The following NWD2 variants were observed in gnomAD, a reference collection of about 807,000 sequenced individuals.
The protein encoded by NWD2 is NACHT and WD repeat domain-containing protein 2.
In NWD2, 37 loss-of-function variants were observed where a neutral mutation model predicts 132.7. That is an observed-to-expected ratio of 0.28 (90% CI 0.21 to 0.37). NWD2 has a LOEUF of 0.37. Among genes scored for constraint, NWD2 ranks in the 10% least tolerant of loss-of-function variants. The pLI is 1.00. For synonymous variants in NWD2, 705 were observed against 803.0 expected, an observed-to-expected ratio of 0.88 and a Z score of 2.06; for missense variants, 1,592 against 2,122.4, an observed-to-expected ratio of 0.75 and a Z score of 4.91.
Position 37,439,439 on chromosome 4 carries a change from G to T in NWD2, c.1296+49G>T. 1 of 1,209,202 alleles carries T rather than the reference G, an allele frequency of 8.3e-7. No individual in the cohort carries two copies. Among genetic ancestry groups the T allele is most frequent in the Non-Finnish European group, 1.1e-6 (1 of 897,312 alleles). The allele number at this position is 1,209,202 out of a possible 1,614,324, so 74.9% of individuals were successfully genotyped here. A position where few individuals can be genotyped will look rare whatever the true frequency, so the allele number is the denominator to read the frequency against. On this transcript the variant is annotated intron_variant, in intron 6 of 6. Transcript: ENST00000309447. The surrounding 1 kb of genome is among the most constrained non-coding windows in gnomAD (Gnocchi z 4.5). ...TATATTTGTAAAAACTTGTACTTTT[G>T]GAAAATGGTAAATTAATCAAATTCA...
intron 3 of NWD2, among the ~76,000 whole-genome samples, chr4:37,412,393 A>T (rs1721178540): frequency 6.6e-6 from 1 of 152,222 alleles, no homozygotes; most frequent in Admixed American, 6.5e-5. Flanking sequence ...TGCTACTAAG[A>T]TAATAAAATA....
chr4:37,354,726 G>A lies in NWD2; in HGVS notation c.241-1640G>A, dbSNP rs560365993. 4.7e-4 allele frequency among the ~76,000 whole-genome samples: 71 copies of A among 152,316 alleles called. 1 individual carries two copies. The highest frequency in any genetic ancestry group is 8.2e-4 in the Non-Finnish European group (56 of 68,032). ...AGCTCTGGGAACATCCTTCCCAAGG[G>A]TGGTGAGATGGAAAAGTTCATCTTT... On this transcript the variant is annotated intron_variant, in intron 2 of 6. Coordinates refer to ENST00000309447, the MANE Select transcript of NWD2 (RefSeq NM_001144990.2).
At chr4:37,328,149 T>A (rs539156640) in intron 2 of NWD2, among the ~76,000 whole-genome samples, 19 of 152,282 alleles carry the variant, frequency 1.2e-4, no homozygotes, top group South Asian at 8.3e-4. Context: ...CTGGCTGTTC[T>A]GTCTTGCAGA....
Position 37,295,038 on chromosome 4 carries a change from C to T in NWD2, c.152-30898C>T, listed in dbSNP as rs191400494. On this transcript the variant is annotated intron_variant, in intron 1 of 6. Transcript: ENST00000309447. ...GAAAAGGAGCAGGCAGGGGAATCGT[C>T]GATTATGTATTCATCTGGTGCTGAG... 1.4e-3 allele frequency among the ~76,000 whole-genome samples: 220 copies of T among 152,202 alleles called. 3 individuals are homozygous for T. Among genetic ancestry groups the T allele is most frequent in the South Asian group, 3.1e-3 (15 of 4,816 alleles).
intron 2 of NWD2, among the ~76,000 whole-genome samples, chr4:37,332,771 C>A (rs551974126): frequency 6.6e-6 from 1 of 152,242 alleles, no homozygotes; most frequent in Admixed American, 6.5e-5. Context: ...TAGGGTAGAG[C>A]ACCAAGCGGG....
At chr4:37,291,499 A>G (rs2109272354) in intron 1 of NWD2, among the ~76,000 whole-genome samples, 1 of 152,294 alleles carries the variant, frequency 6.6e-6, no homozygotes, top group East Asian at 1.9e-4. Flanking sequence ...CCATGAAAGC[A>G]TTGAGTATTG....
chr4:37,351,984 G>T (rs192859272), intron 2 of NWD2, among the ~76,000 whole-genome samples: 2 of 152,106 alleles, frequency 1.3e-5, no homozygotes, highest in Non-Finnish European at 2.9e-5. Context: ...ATAGTTGTGC[G>T]GTTTTGAGTG....
intron 1 of NWD2, among the ~76,000 whole-genome samples, chr4:37,286,153 C>T (rs914139207): frequency 6.6e-6 from 1 of 152,162 alleles, no homozygotes; most frequent in African/African-American, 2.4e-5. Context: ...TTTATTGCTA[C>T]CTTTAAAAAT....
In NWD2 at chr4:37,445,181, A is replaced by G; in HGVS notation, c.3193A>G (p.Thr1065Ala). Residue 1065 changes from threonine to alanine, a missense_variant, in exon 7 of 7, where the codon ACA (threonine) becomes GCA (alanine). This residue lies in a region of NWD2 where 1,071 missense variants were observed against 1,398.0 expected (regional missense o/e 0.77). Coordinates refer to ENST00000309447, the MANE Select transcript of NWD2 (RefSeq NM_001144990.2). The surrounding 1 kb of genome is among the most constrained non-coding windows in gnomAD (Gnocchi z 4.7). The stretch of plus-strand genomic sequence containing the variant: ...CAGCGCCACCTACATCAATGGATTT[A>G]CACTGTCCGCCAACCACGCCCTTGC... ...GSSATYINGF[T>A]LSANHALAWL... is the part of the protein sequence containing the mutation. 1 of 1,551,930 alleles carries G rather than the reference A, an allele frequency of 6.4e-7. No homozygotes were observed. The highest frequency in any genetic ancestry group is 1.2e-5 in the South Asian group (1 of 84,060).
intron 1 of NWD2, among the ~76,000 whole-genome samples, chr4:37,308,192 A>T (rs1201606716): frequency 1.3e-5 from 2 of 152,090 alleles, no homozygotes; most frequent in African/African-American, 4.8e-5. Flanking sequence ...TTACATCCCT[A>T]TGTTAATATC....
intron 1 of NWD2, among the ~76,000 whole-genome samples, chr4:37,267,594 A>G (rs1412026337): frequency 6.6e-6 from 1 of 151,970 alleles, no homozygotes; most frequent in Non-Finnish European, 1.5e-5. Flanking sequence ...GCATCTAGTC[A>G]CAATCTATGT....
At chr4:37,255,595 T>A (rs1402778260) in intron 1 of NWD2, among the ~76,000 whole-genome samples, 9 of 152,224 alleles carry the variant, frequency 5.9e-5, no homozygotes, top group African/African-American at 2.2e-4. Context: ...GTACAGAGTC[T>A]GAATATCTTG....
chr4:37,308,558 C>T (rs539240720), intron 1 of NWD2, among the ~76,000 whole-genome samples: 7 of 152,088 alleles, frequency 4.6e-5, no homozygotes, highest in Admixed American at 1.3e-4. Context: ...ACCTTGGGTC[C>T]CTGGGGAGCA....
chr4:37,285,122 T>C (rs113663648), intron 1 of NWD2, among the ~76,000 whole-genome samples: 5 of 152,274 alleles, frequency 3.3e-5, no homozygotes, highest in African/African-American at 1.2e-4. Context: ...ACTCCCCACA[T>C]CCTCATTTTA....
chr4:37,324,806 G>A (rs1719137936), intron 1 of NWD2, among the ~76,000 whole-genome samples: 1 of 152,076 alleles, frequency 6.6e-6, no homozygotes, highest in Non-Finnish European at 1.5e-5. Context: ...TTTCATGATT[G>A]GTTATTTGCT....
intron 3 of NWD2, among the ~76,000 whole-genome samples, chr4:37,384,699 A>G (rs886844251): frequency 1.3e-5 from 2 of 152,206 alleles, no homozygotes; most frequent in African/African-American, 4.8e-5. Context: ...AGCAGCACAA[A>G]GTCATTCAGC....
intron 3 of NWD2, among the ~76,000 whole-genome samples, chr4:37,403,996 A>G (rs1053977151): frequency 6.6e-6 from 1 of 152,216 alleles, no homozygotes; most frequent in Non-Finnish European, 1.5e-5. Context: ...AGACCTATAG[A>G]ATTAGATCCA....
intron 1 of NWD2, among the ~76,000 whole-genome samples, chr4:37,247,706 T>C (rs144696505): frequency 0.012 from 1,835 of 151,992 alleles, 44 homozygotes; most frequent in African/African-American, 0.042. Flanking sequence ...ACCTCCCGGC[T>C]CCAAGCTATT....
intron 3 of NWD2, among the ~76,000 whole-genome samples, chr4:37,370,686 T>G (rs1017411533): frequency 2.6e-5 from 4 of 152,218 alleles, no homozygotes; most frequent in African/African-American, 4.8e-5. Context: ...TGGACTCAAC[T>G]TTCTCCAAAA....
Sources: allele counts gnomAD v4.1 joint callset (sites outside exome capture counted in the v4.1 genomes callset), GRCh38; gene constraint gnomAD v4.1.1; regional missense constraint gnomAD v4.1.1; non-coding constraint Gnocchi (gnomAD v3.1); transcripts MANE v1.5; gene names NCBI Gene and HGNC (gene_info 2026-07-23, HGNC 2026-07-21).